The following ANO1 variants were observed in gnomAD, a reference collection of about 807,000 sequenced individuals.
ANO1 encodes the protein anoctamin-1.
A neutral mutation model predicts 124.0 loss-of-function variants in ANO1; 59 were observed. The observed-to-expected ratio is 0.48, with a 90% CI of 0.39 to 0.59. The LOEUF is 0.59. Among genes scored for constraint, ANO1 ranks in the 20% least tolerant of loss-of-function variants. The pLI is 0.00. For synonymous variants in ANO1, 529 were observed against 532.0 expected (o/e 0.99, Z 0.08); for missense variants, 1,059 against 1,328.0 (o/e 0.80, Z 3.15).
At chr11:70,028,618 C>T (rs1367305210) in intron 1 of ANO1, among the ~76,000 whole-genome samples, 4 of 152,106 alleles carry the variant, frequency 2.6e-5, no homozygotes, top group Admixed American at 6.5e-5. Flanking sequence ...CCCCACCACA[C>T]CCCAGAGCTG....
intron 22 of ANO1, among the ~76,000 whole-genome samples, chr11:70,177,594 CTTTTTTTTTTTTTT>C (rs57647858): frequency 4.1e-4 from 32 of 78,932 alleles, no homozygotes; most frequent in African/African-American, 1.5e-3. Flanking sequence ...TTTTTTTTTT[CTTTTTTTTTTTTTT>C]TTTTTTTTTG....
chr11:70,156,841 AG>A (rs2047834686), intron 15 of ANO1, 105 bp from the exon 16 acceptor site: 1 of 948,036 alleles, frequency 1.1e-6, no homozygotes, highest in Non-Finnish European at 1.6e-6. Context: ...CTGTTGTTCA[AG>A]TTGTCCCTGG....
intron 2 of ANO1, among the ~76,000 whole-genome samples, chr11:70,090,045 G>A (rs1034329830): frequency 3.3e-5 from 5 of 151,768 alleles, no homozygotes; most frequent in East Asian, 1.9e-4. Context: ...GTTTTGAGGC[G>A]GAATCTCACT....
chr11:70,119,204 A>G (rs1311301423), intron 8 of ANO1, among the ~76,000 whole-genome samples: 1 of 118,594 alleles, frequency 8.4e-6, no homozygotes, highest in African/African-American at 3.2e-5. Flanking sequence ...GGAAGGATGA[A>G]TGATGGATGA....
intron 1 of ANO1, among the ~76,000 whole-genome samples, chr11:70,006,952 G>A (rs1856503944): frequency 6.6e-6 from 1 of 152,034 alleles, no homozygotes; most frequent in Non-Finnish European, 1.5e-5. Flanking sequence ...TGACGGGGGT[G>A]AGCCATCACA....
intron 3 of ANO1, 35 bp downstream of exon 3, chr11:70,103,199 C>T (rs1433205054): frequency 6.4e-7 from 1 of 1,559,476 alleles, no homozygotes; most frequent in South Asian, 1.2e-5. Context: ...AAATGAATCG[C>T]CAAGTCTAGA....
chr11:69,990,665 T>C (rs1591019362), intron 1 of ANO1, among the ~76,000 whole-genome samples: 1 of 152,350 alleles, frequency 6.6e-6, no homozygotes, highest in South Asian at 2.1e-4. Context: ...ATATATACTG[T>C]TTAATTACAG....
chr11:70,153,787 A>T (rs982442895), intron 14 of ANO1, among the ~76,000 whole-genome samples: 1 of 151,862 alleles, frequency 6.6e-6, no homozygotes, highest in African/African-American at 2.4e-5. Flanking sequence ...GTTTTTTGAG[A>T]CAGAGTCTCT....
chr11:69,975,538 CA>C, the ANO1 span, among the ~76,000 whole-genome samples: 1 of 152,252 alleles, frequency 6.6e-6, no homozygotes, highest in African/African-American at 2.4e-5. Context: ...GAGCCCCCTT[CA>C]GGGGTGATTT....
intron 1 of ANO1, among the ~76,000 whole-genome samples, chr11:70,010,175 G>GTGTGTGTATATATATA (rs1856570766): frequency 6.1e-5 from 3 of 49,330 alleles, no homozygotes; most frequent in African/African-American, 1.8e-4. Context: ...GCGCGTGTGT[G>GTGTGTGTATATATATA]TGTGTATATA....
chr11:70,117,100 C>CTTTTTTTTTTTTTTTTTT (rs756764991), intron 8 of ANO1, among the ~76,000 whole-genome samples: 1 of 61,546 alleles, frequency 1.6e-5, no homozygotes, highest in Non-Finnish European at 3.2e-5. Flanking sequence ...TTGTTTCTTT[C>CTTTTTTTTTTTTTTTTTT]TTTTTTTTTT....
upstream of ANO1, among the ~76,000 whole-genome samples, chr11:70,074,334 G>A (rs2044027692): frequency 6.6e-6 from 1 of 152,208 alleles, no homozygotes; most frequent in South Asian, 2.1e-4. Flanking sequence ...GTGCACCCGG[G>A]CTGTGTGGGT....
the ANO1 span, among the ~76,000 whole-genome samples, chr11:69,977,816 A>G: frequency 1.3e-5 from 2 of 152,342 alleles, no homozygotes; most frequent in South Asian, 4.1e-4. Flanking sequence ...TGCTCTGAGC[A>G]CTTTGGAGTG....
At chr11:70,012,558 G>GTATC (rs1349744059) in intron 1 of ANO1, among the ~76,000 whole-genome samples, 2 of 33,750 alleles carry the variant, frequency 5.9e-5, no homozygotes, top group African/African-American at 1.1e-4. Context: ...ATCCATTGTT[G>GTATC]TATCTATCTA....
intron 1 of ANO1, among the ~76,000 whole-genome samples, chr11:70,067,330 T>G (rs375965310): frequency 0.055 from 8,145 of 147,786 alleles, 288 homozygotes; most frequent in Middle Eastern, 0.11. Flanking sequence ...GGTGTTTTTT[T>G]TTTTTTTTTT....
At position 70,024,942 on chromosome 11, in the gene ANO1, G is replaced by A. The variant is rs185554291; in HGVS notation, c.58+38776G>A. Among the ~76,000 whole-genome samples, 325 of 152,360 alleles carry A rather than the reference G, an allele frequency of 2.1e-3. 1 individual carries two copies. Among genetic ancestry groups the A allele is most frequent in the African/African-American group, 7.2e-3 (298 of 41,588 alleles). On this transcript the variant is annotated intron_variant, in intron 1 of 27. Transcript: ENST00000531349. Reference sequence around the variant, plus strand: ...CAGCAGGGAAGCTCTGTTGAGCCAGGGAGTTGTGGGGTGGGACAGACAGCT... The same window carrying A: ...CAGCAGGGAAGCTCTGTTGAGCCAGAGAGTTGTGGGGTGGGACAGACAGCT...
At chr11:70,030,937 G>T (rs150500448) in intron 1 of ANO1, among the ~76,000 whole-genome samples, 3 of 152,202 alleles carry the variant, frequency 2.0e-5, no homozygotes, top group East Asian at 1.9e-4. Context: ...TGATGTGGTG[G>T]TTTCGTTTTG....
At chr11:70,128,869 G>A (rs74792125) in intron 10 of ANO1, among the ~76,000 whole-genome samples, 1,826 of 152,380 alleles carry the variant, frequency 0.012, 17 homozygotes, top group Non-Finnish European at 0.02. Flanking sequence ...TGGGCAGGGA[G>A]GAGAGCCTAG....
chr11:69,972,603 G>A, the ANO1 span, among the ~76,000 whole-genome samples: 1 of 152,196 alleles, frequency 6.6e-6, no homozygotes, highest in Non-Finnish European at 1.5e-5. Flanking sequence ...TGTTGTTAGT[G>A]CTTTCACTGT....
Sources: allele counts gnomAD v4.1 joint callset (sites outside exome capture counted in the v4.1 genomes callset), GRCh38; gene constraint gnomAD v4.1.1; transcripts MANE v1.5; gene names NCBI Gene and HGNC (gene_info 2026-07-23, HGNC 2026-07-21).